Variants in LAMA2 observed in about 807,000 individuals in gnomAD.
LAMA2 encodes the protein laminin subunit alpha 2.
A neutral mutation model predicts 364.8 loss-of-function variants in LAMA2; 269 were observed. The observed-to-expected ratio is 0.74, with a 90% CI of 0.67 to 0.82. The LOEUF (loss-of-function observed/expected upper bound fraction) is 0.82, where lower values mean the gene tolerates loss of function less well. Ranked by LOEUF, LAMA2 falls within the 40% of genes least tolerant of loss-of-function variation. The pLI is 0.00. For synonymous variants in LAMA2, 1,379 were observed against 1,370.6 expected (o/e 1.01, Z -0.14); for missense variants, 3,807 against 3,873.2 (o/e 0.98, Z 0.45).
At chr6:129,378,164 G>A (rs891271003) in intron 34 of LAMA2, among the ~76,000 whole-genome samples, 2 of 152,262 alleles carry the variant, frequency 1.3e-5, no homozygotes, top group African/African-American at 4.8e-5. Flanking sequence ...AACATATTAG[G>A]ATAAATGAGA....
chr6:129,361,686 G>C (rs1777469130), intron 32 of LAMA2, among the ~76,000 whole-genome samples: 1 of 152,080 alleles, frequency 6.6e-6, no homozygotes, highest in African/African-American at 2.4e-5. Context: ...ACATTCTGTT[G>C]GTCAGAGTAT....
intron 1 of LAMA2, among the ~76,000 whole-genome samples, chr6:129,005,126 C>T (rs1784363089): frequency 6.6e-6 from 1 of 151,782 alleles, no homozygotes; most frequent in Admixed American, 6.6e-5. Flanking sequence ...TTTTACTGTC[C>T]TCTTTTTTTT....
At chr6:129,092,190 AAAAATGTTAAACC>A (rs1409736380) in intron 3 of LAMA2, among the ~76,000 whole-genome samples, 6 of 152,300 alleles carry the variant, frequency 3.9e-5, no homozygotes, top group Admixed American at 3.9e-4. Flanking sequence ...GACCTTCCAG[AAAAATGTTAAACC>A]CTTCTCATCC....
chr6:128,969,992 A>C (rs1311087501), intron 1 of LAMA2, among the ~76,000 whole-genome samples: 1 of 152,186 alleles, frequency 6.6e-6, no homozygotes, highest in East Asian at 1.9e-4. Flanking sequence ...GGTTAAAATC[A>C]GTGGAAATAA....
chr6:129,342,511 A>T, intron 30 of LAMA2, 44 bp downstream of exon 30: 3 of 1,602,182 alleles, frequency 1.9e-6, no homozygotes, highest in Non-Finnish European at 2.6e-6. Flanking sequence ...CAGAAACGCC[A>T]TCTGTCTAGC....
chr6:128,960,398 G>A (rs1781407983), intron 1 of LAMA2, among the ~76,000 whole-genome samples: 1 of 148,816 alleles, frequency 6.7e-6, no homozygotes, highest in Admixed American at 6.7e-5. Flanking sequence ...GAGTGCAATG[G>A]CATGATCTTG....
At chr6:129,169,128 CT>C (rs1206500611) in intron 9 of LAMA2, among the ~76,000 whole-genome samples, 1 of 151,632 alleles carries the variant, frequency 6.6e-6, no homozygotes, top group Non-Finnish European at 1.5e-5. Flanking sequence ...TTGACTTCCT[CT>C]TTTCCTAATT....
intron 4 of LAMA2, among the ~76,000 whole-genome samples, chr6:129,121,643 AAT>A (rs1776813792): frequency 6.6e-6 from 1 of 152,178 alleles, no homozygotes. Context: ...GCTTTAGAAA[AAT>A]AAAGTCATCT....
At chr6:129,142,044 A>G (rs1278366887) in intron 4 of LAMA2, among the ~76,000 whole-genome samples, 1 of 152,064 alleles carries the variant, frequency 6.6e-6, no homozygotes, top group Non-Finnish European at 1.5e-5. Context: ...ATGTTGAGAG[A>G]TTCCTCATTC....
chr6:129,438,360 G>T (rs1781936486), intron 41 of LAMA2, among the ~76,000 whole-genome samples: 1 of 151,780 alleles, frequency 6.6e-6, no homozygotes, highest in African/African-American at 2.4e-5. Context: ...TTCTTTGGAG[G>T]TTTCTTCTCT....
At chr6:129,096,722 A>G (rs1266188069) in intron 3 of LAMA2, among the ~76,000 whole-genome samples, 2 of 152,104 alleles carry the variant, frequency 1.3e-5, no homozygotes, top group Non-Finnish European at 2.9e-5. Context: ...ACAAGTACAG[A>G]AGCATTTCAG....
At chr6:129,331,539 A>G (rs1165968771) in intron 29 of LAMA2, among the ~76,000 whole-genome samples, 1 of 152,034 alleles carries the variant, frequency 6.6e-6, no homozygotes, top group Admixed American at 6.6e-5. Flanking sequence ...ATTACTTTGG[A>G]TGAATTATTC....
chr6:129,210,669 A>G (rs1355149299), intron 12 of LAMA2, among the ~76,000 whole-genome samples: 1 of 152,194 alleles, frequency 6.6e-6, no homozygotes, highest in African/African-American at 2.4e-5. Flanking sequence ...TTATAAACAC[A>G]GGTAAGACCC....
chr6:129,113,273 A>G (rs1776266025), intron 4 of LAMA2, among the ~76,000 whole-genome samples: 1 of 151,992 alleles, frequency 6.6e-6, no homozygotes, highest in South Asian at 2.1e-4. Context: ...TCCATTGACA[A>G]TCTTTTAATA....
At chr6:129,309,009 C>T (rs1057425566) in intron 22 of LAMA2, among the ~76,000 whole-genome samples, 5 of 152,146 alleles carry the variant, frequency 3.3e-5, no homozygotes, top group African/African-American at 4.8e-5. Context: ...TATTTTAACA[C>T]GAGAATTAGT....
At chr6:129,168,575 G>A (rs1453987928) in intron 9 of LAMA2, among the ~76,000 whole-genome samples, 4 of 149,340 alleles carry the variant, frequency 2.7e-5, no homozygotes, top group African/African-American at 9.8e-5. Flanking sequence ...TAGACTTGTA[G>A]TATAGTTTGA....
intron 20 of LAMA2, chr6:129,292,970 GC>G: frequency 1.0e-6 from 1 of 985,896 alleles, no homozygotes; most frequent in Middle Eastern, 5.2e-4. Context: ...AGGAGGAGCA[GC>G]CGCGGAGAGC....
At chr6:128,885,653 G>A (rs139814921) in intron 1 of LAMA2, among the ~76,000 whole-genome samples, 4 of 152,126 alleles carry the variant, frequency 2.6e-5, no homozygotes, top group African/African-American at 9.7e-5. Context: ...CTAGGCAAGC[G>A]CTAATTGTGT....
intron 43 of LAMA2, chr6:129,442,320 G>C: frequency 1.2e-6 from 1 of 816,362 alleles, no homozygotes; most frequent in Non-Finnish European, 1.6e-6. Flanking sequence ...AAACTTCAGA[G>C]CCAGGGTGAA....
Sources: gnomAD v4.1 joint callset for allele counts (sites outside exome capture counted in the v4.1 genomes callset) on GRCh38, gnomAD v4.1.1 for gene constraint, MANE v1.5 for transcripts, NCBI Gene and HGNC (gene_info 2026-07-23, HGNC 2026-07-21) for gene names.